The following RYR2 variants were observed in gnomAD, a reference collection of about 807,000 sequenced individuals.
RYR2 encodes the protein ryanodine receptor 2.
In RYR2, 227 loss-of-function variants were observed where a neutral mutation model predicts 601.1. The observed-to-expected ratio is 0.38, with a 90% confidence interval of 0.34 to 0.42. RYR2 has a LOEUF of 0.42. RYR2 is among the 10% of genes least tolerant of loss of function. The pLI is 1.00. For synonymous variants in RYR2, 2,223 were observed against 2,175.1 expected, an observed-to-expected ratio of 1.02 and a Z score of -0.61; for missense variants, 4,646 against 6,156.5, an observed-to-expected ratio of 0.75 and a Z score of 8.21.
intron 27 of RYR2, among the ~76,000 whole-genome samples, chr1:237,564,402 T>C (rs1485963325): frequency 6.6e-6 from 1 of 152,126 alleles, no homozygotes; most frequent in Non-Finnish European, 1.5e-5. Context: ...CCCAAGTAGC[T>C]GGGATTACAG....
intron 80 of RYR2, among the ~76,000 whole-genome samples, chr1:237,748,176 G>A (rs917300366): frequency 6.6e-6 from 1 of 152,142 alleles, no homozygotes; most frequent in African/African-American, 2.4e-5. Flanking sequence ...TGGGGAATGA[G>A]GGAGGGCAAG....
At chr1:237,576,590 G>T (rs1406992755) in intron 29 of RYR2, among the ~76,000 whole-genome samples, 1 of 151,994 alleles carries the variant, frequency 6.6e-6, no homozygotes, top group Non-Finnish European at 1.5e-5. Context: ...AACTCCAAAT[G>T]GTCTTAAATG....
intron 10 of RYR2, among the ~76,000 whole-genome samples, chr1:237,393,952 G>A (rs991756302): frequency 6.6e-6 from 1 of 152,150 alleles, no homozygotes; most frequent in Non-Finnish European, 1.5e-5. Flanking sequence ...AATTTGAGCT[G>A]TTGGATCTTG....
chr1:237,580,995 G>A (rs1559061474), intron 29 of RYR2, among the ~76,000 whole-genome samples: 1 of 152,128 alleles, frequency 6.6e-6, no homozygotes, highest in Non-Finnish European at 1.5e-5. Context: ...ATTTCTTATG[G>A]CAGTCTGAGC....
At chr1:237,824,559 C>T (rs577130754) in intron 101 of RYR2, among the ~76,000 whole-genome samples, 2 of 152,248 alleles carry the variant, frequency 1.3e-5, no homozygotes, top group Admixed American at 6.5e-5. Context: ...ATGACAAACC[C>T]ACAGCCAATA....
intron 25 of RYR2, among the ~76,000 whole-genome samples, chr1:237,544,479 C>T (rs1669601428): frequency 6.6e-6 from 1 of 152,082 alleles, no homozygotes; most frequent in South Asian, 2.1e-4. Flanking sequence ...TAAAATTTTA[C>T]TTTCCAAGAG....
intron 81 of RYR2, 88 bp from the exon 82 acceptor site, chr1:237,757,609 T>C: frequency 4.7e-6 from 4 of 855,278 alleles, no homozygotes; most frequent in South Asian, 1.4e-5. Context: ...GGCATAATAA[T>C]AATTTTAAAA....
chr1:237,824,265 G>A (rs1662848251), intron 101 of RYR2, among the ~76,000 whole-genome samples: 1 of 152,160 alleles, frequency 6.6e-6, no homozygotes, highest in South Asian at 2.1e-4. Context: ...GAACATCGAT[G>A]CGAAAATCCT....
rs963289044 is a variant in RYR2 at position 237,423,113 on chromosome 1, A to G, written c.870A>G (p.Arg290=). Residue 290 remains arginine, a synonymous_variant, in exon 12 of 105, where the codon AGA becomes AGG. Coordinates refer to ENST00000366574, the MANE Select transcript of RYR2 (RefSeq NM_001035.3). ...TTAGGTGGAGTGGAAGCCACATAAG[A>G]TGGGGACAGCCATTCCGACTACGCC... ...LRVAWSGSHI[R]WGQPFRLRHV... The G allele has an allele frequency of 6.2e-7, 1 of 1,613,416 alleles. No individual in the cohort carries two copies. The highest frequency in any genetic ancestry group is 1.3e-5 in the African/African-American group (1 of 74,876).
intron 2 of RYR2, among the ~76,000 whole-genome samples, chr1:237,326,979 T>C (rs1227724840): frequency 1.3e-5 from 2 of 152,230 alleles, no homozygotes; most frequent in Non-Finnish European, 2.9e-5. Context: ...CAAATTTCAA[T>C]GTTATTTGAA....
chr1:237,085,373 T>C (rs1315268987), intron 1 of RYR2, among the ~76,000 whole-genome samples: 2 of 152,244 alleles, frequency 1.3e-5, no homozygotes, highest in Non-Finnish European at 2.9e-5. Context: ...GAAAAGTTAC[T>C]CTTGTCTTTT....
rs760167652 is a variant in RYR2 at position 237,480,291 on chromosome 1, C to T, written c.1708+11104C>T. On this transcript the variant is annotated intron_variant, in intron 17 of 104. Transcript: ENST00000366574. ...AAAATCAGCTGGGTGTGGTGGCATG[C>T]GCCTGTTGTCCCAGTTACTTGGGAG... is the stretch of plus-strand genomic sequence containing the variant. 6.7e-5 allele frequency among the ~76,000 whole-genome samples: 10 copies of T among 148,274 alleles called. No individual in the cohort carries two copies. In the South Asian group the frequency reaches 1.1e-3, roughly 16 times the overall value.
intron 1 of RYR2, among the ~76,000 whole-genome samples, chr1:237,182,111 A>G (rs1200316747): frequency 2.0e-5 from 3 of 148,294 alleles, no homozygotes; most frequent in Non-Finnish European, 3.0e-5. Flanking sequence ...GGGTTTATTT[A>G]TTTATTTATT....
At chr1:237,511,136 C>T (rs2247748) in intron 23 of RYR2, among the ~76,000 whole-genome samples, 48,019 of 151,886 alleles carry the variant, frequency 0.32, 9,276 homozygotes, top group East Asian at 0.49. Context: ...ATTTATAAAA[C>T]GTGTCAAGTG....
chr1:237,163,355 A>ACCCCCCCCCCCCCCCCCCCC (rs67343728), intron 1 of RYR2, among the ~76,000 whole-genome samples: 2 of 90,318 alleles, frequency 2.2e-5, no homozygotes, highest in Admixed American at 1.1e-4. Flanking sequence ...CCAACCCCCT[A>ACCCCCCCCCCCCCCCCCCCC]CCCCCCCCAC....
At chr1:237,608,015 T>C (rs1043861623) in intron 35 of RYR2, among the ~76,000 whole-genome samples, 1 of 152,208 alleles carries the variant, frequency 6.6e-6, no homozygotes, top group Admixed American at 6.5e-5. Flanking sequence ...TGCATACCTA[T>C]ATACACATAT....
At chr1:237,052,344 C>G (rs1661382540) in intron 1 of RYR2, among the ~76,000 whole-genome samples, 1 of 151,924 alleles carries the variant, frequency 6.6e-6, no homozygotes. Context: ...ATATTGGGCT[C>G]CAAAACTCAC....
intron 1 of RYR2, among the ~76,000 whole-genome samples, chr1:237,217,888 C>T (rs6703530): frequency 0.37 from 56,289 of 152,056 alleles, 10,699 homozygotes; most frequent in Admixed American, 0.43. Flanking sequence ...GAAGGGCTTA[C>T]TGCTGTGGTA....
intron 60 of RYR2, among the ~76,000 whole-genome samples, chr1:237,675,109 A>G (rs959331373): frequency 6.6e-6 from 1 of 152,144 alleles, no homozygotes; most frequent in African/African-American, 2.4e-5. Flanking sequence ...TCATTTTGAA[A>G]GATACATTGG....
Sources: allele counts gnomAD v4.1 joint callset (sites outside exome capture counted in the v4.1 genomes callset), GRCh38; gene constraint gnomAD v4.1.1; transcripts MANE v1.5; gene names NCBI Gene and HGNC (gene_info 2026-07-23, HGNC 2026-07-21).